Variants in FBXL13 observed in about 807,000 individuals in gnomAD.
FBXL13 encodes F-box and leucine rich repeat protein 13.
Under a neutral mutation model 83.6 loss-of-function variants are expected in FBXL13, and 67 were observed. The observed-to-expected ratio is 0.80, with a 90% CI of 0.66 to 0.98. The LOEUF (loss-of-function observed/expected upper bound fraction) is 0.98. Among genes scored for constraint, FBXL13 ranks in the 50% least tolerant of loss-of-function variants. The probability of loss-of-function intolerance (pLI) is 0.00; values close to 1 mark genes in which losing one functional copy is unlikely to be tolerated. For synonymous variants in FBXL13, 272 were observed against 299.5 expected (o/e 0.91, Z 0.95); for missense variants, 822 against 866.5 (o/e 0.95, Z 0.64).
intron 16 of FBXL13, among the ~76,000 whole-genome samples, chr7:102,859,469 C>G (rs1563005533): frequency 6.6e-6 from 1 of 151,940 alleles, no homozygotes; most frequent in Admixed American, 6.6e-5. Context: ...GGTAAATATT[C>G]TGTTTGGCAC....
chr7:102,864,926 G>C (rs1456542890), intron 16 of FBXL13, among the ~76,000 whole-genome samples: 1 of 152,154 alleles, frequency 6.6e-6, no homozygotes, highest in Non-Finnish European at 1.5e-5. Flanking sequence ...GTCTCAAAGT[G>C]CCATGGCACC....
rs546635562 is a variant in FBXL13 at position 102,964,543 on chromosome 7, T to C, written c.592-878A>G. ...TCAGCCTCCCAAGTAGCTGGAATTA[T>C]AGGCACCTGCCACCATGCCCGGCTA... On this transcript the variant is annotated intron_variant, in intron 7 of 19. Coordinates refer to ENST00000313221, the Ensembl canonical transcript of FBXL13. Among the ~76,000 whole-genome samples, 561 of 151,546 alleles carry C rather than the reference T, an allele frequency of 3.7e-3. 5 individuals are homozygous for C. Among genetic ancestry groups the C allele is most frequent in the African/African-American group, 0.013 (554 of 41,380 alleles).
intron 16 of FBXL13, among the ~76,000 whole-genome samples, chr7:102,863,413 G>A (rs17136131): frequency 0.029 from 4,435 of 151,866 alleles, 200 homozygotes; most frequent in East Asian, 0.16. Context: ...AAAGTCCCCC[G>A]ACAGTCAGTA....
intron 10 of FBXL13, among the ~76,000 whole-genome samples, chr7:102,918,051 T>A (rs1816253182): frequency 6.6e-6 from 1 of 152,226 alleles, no homozygotes; most frequent in Non-Finnish European, 1.5e-5. Flanking sequence ...TCTTGGCAAG[T>A]ACTTTTTTTG....
Position 102,997,160 on chromosome 7 carries a change from C to T in FBXL13, c.495+27903G>A, listed in dbSNP as rs569859515. 3.3e-5 allele frequency among the ~76,000 whole-genome samples: 5 copies of T among 152,264 alleles called. 1 individual carries two copies. The highest frequency in any genetic ancestry group is 1.2e-4 in the African/African-American group (5 of 41,558). The stretch of plus-strand genomic sequence containing the variant: ...AAGCTTGCCATTTATGTCTATTCAT[C>T]AATAACTGCTTAGAGATTTTACTTT... On this transcript the variant is annotated intron_variant, in intron 6 of 19. Coordinates refer to ENST00000313221, the Ensembl canonical transcript of FBXL13.
chr7:102,918,083 G>C (rs975771241), intron 10 of FBXL13, among the ~76,000 whole-genome samples: 1 of 152,150 alleles, frequency 6.6e-6, no homozygotes, highest in Non-Finnish European at 1.5e-5. Context: ...TAAAAGCAAT[G>C]AAGAGAGAAT....
At position 102,927,714 on chromosome 7, in the gene FBXL13, C is replaced by T. The variant is rs181105628; in HGVS notation, c.778-1340G>A. Among the ~76,000 whole-genome samples the T allele has an allele frequency of 2.7e-3, 416 of 152,282 alleles. 2 individuals are homozygous for T. Among genetic ancestry groups the T allele is most frequent in the Non-Finnish European group, 4.5e-3 (303 of 68,024 alleles). On this transcript the variant is annotated intron_variant, in intron 9 of 19. Transcript: ENST00000313221. The stretch of plus-strand genomic sequence containing the variant: ...AGTGCAGAGCTTTTGATAAACACTA[C>T]TCTTAACTACAGTATTCAAGCTGTC...
At chr7:102,813,077 T>C (rs1415172489), downstream of FBXL13, among the ~76,000 whole-genome samples, 1 of 152,110 alleles carries the variant, frequency 6.6e-6, no homozygotes, top group Non-Finnish European at 1.5e-5. Context: ...TCCTGACTTA[T>C]GGTCCACCCG....
chr7:103,035,903 T>C (rs1795018123), intron 2 of FBXL13, among the ~76,000 whole-genome samples: 1 of 152,180 alleles, frequency 6.6e-6, no homozygotes, highest in South Asian at 2.1e-4. Flanking sequence ...ATATCCCACA[T>C]AGTATCATTC....
At position 102,934,254 on chromosome 7, in the gene FBXL13, A is replaced by G. The variant is rs1819819763; in HGVS notation, c.725-2321T>C. 1.9e-6 allele frequency: 3 copies of G among 1,614,132 alleles called. No individual in the cohort carries two copies. The Admixed American group carries it at 5.0e-5, about 27-fold the overall frequency. ...AAGCTGAAAAGCCTGGATCTGCAGC[A>G]GAATGAGATCTCTAAAATTGAGAGT... On this transcript the variant is annotated intron_variant, in intron 8 of 19. Coordinates refer to ENST00000313221, the Ensembl canonical transcript of FBXL13.
At chr7:102,915,984 CT>C (rs1167962491) in intron 10 of FBXL13, among the ~76,000 whole-genome samples, 4,524 of 143,628 alleles carry the variant, frequency 0.031, 193 homozygotes, top group African/African-American at 0.1. Context: ...TGAGTTTCTT[CT>C]TTTTTTTTTT....
At chr7:102,902,373 T>C (rs947146544) in intron 11 of FBXL13, among the ~76,000 whole-genome samples, 4 of 152,188 alleles carry the variant, frequency 2.6e-5, no homozygotes, top group African/African-American at 9.6e-5. Context: ...TTTTCTCCCA[T>C]TCTGTGGGTT....
In FBXL13 at chr7:102,848,555, C is replaced by CAA. The variant is rs59060531; in HGVS notation, c.1719+6220_1719+6221dup. Among the ~76,000 whole-genome samples, 5 of 1,828 alleles carry CAA rather than the reference C, an allele frequency of 2.7e-3. 2 individuals carry two copies. Among genetic ancestry groups the CAA allele is most frequent in the Non-Finnish European group, 4.5e-3 (5 of 1,116 alleles). 1.2% of individuals were successfully genotyped at this position (1,828 alleles called of 152,430 possible). On this transcript the variant is annotated intron_variant, in intron 17 of 19. Coordinates refer to ENST00000313221, the Ensembl canonical transcript of FBXL13. Reference sequence around the variant, plus strand: ...TGGGCGACAGAGCGAGACTCCGTCTCAAAAAAAAAAAAAAAAAAAAAAAAA... The same window carrying CAA: ...TGGGCGACAGAGCGAGACTCCGTCTCAAAAAAAAAAAAAAAAAAAAAAAAAAA...
At chr7:102,838,240 G>A (rs1388605983) in intron 17 of FBXL13, among the ~76,000 whole-genome samples, 1 of 152,140 alleles carries the variant, frequency 6.6e-6, no homozygotes, top group Non-Finnish European at 1.5e-5. Flanking sequence ...TCAGTGGTGT[G>A]GGAATAACAC....
At chr7:102,926,961 C>T (rs966282278) in intron 9 of FBXL13, among the ~76,000 whole-genome samples, 5 of 152,104 alleles carry the variant, frequency 3.3e-5, no homozygotes, top group African/African-American at 1.2e-4. Context: ...AGGCTACATA[C>T]CAGTTGGGCA....
intron 17 of FBXL13, among the ~76,000 whole-genome samples, chr7:102,842,121 G>C (rs1340315452): frequency 6.6e-6 from 1 of 152,222 alleles, no homozygotes. Context: ...ATATGGTCAA[G>C]AGACAAAAGA....
chr7:102,879,948 C>CGCCCACCT (rs1231521580), intron 14 of FBXL13, among the ~76,000 whole-genome samples: 4 of 152,188 alleles, frequency 2.6e-5, no homozygotes, highest in African/African-American at 9.7e-5. Flanking sequence ...CCTCGTGATC[C>CGCCCACCT]GCCCACCTGG....
intron 16 of FBXL13, among the ~76,000 whole-genome samples, chr7:102,863,512 T>C (rs200463996): frequency 1.9e-5 from 2 of 105,216 alleles, no homozygotes; most frequent in Admixed American, 1.7e-4. Context: ...GGGGATAAAA[T>C]TGGGGGGGGG....
rs545342292 is a variant in FBXL13 at position 103,017,638 on chromosome 7, T to G, written c.495+7425A>C. 3.9e-5 allele frequency among the ~76,000 whole-genome samples: 6 copies of G among 152,326 alleles called. No individual in the cohort carries two copies. The South Asian group carries it at 1.2e-3, about 32-fold the overall frequency. On this transcript the variant is annotated intron_variant, in intron 6 of 19. Coordinates refer to ENST00000313221, the Ensembl canonical transcript of FBXL13. ...GTAGAGAAGTCCTTAAATGATCTGA[T>G]GGAGCTTAAAACCATGACACGAGAA...
Sources: allele counts gnomAD v4.1 joint callset (sites outside exome capture counted in the v4.1 genomes callset), GRCh38; gene constraint gnomAD v4.1.1; transcripts MANE v1.5; gene names NCBI Gene and HGNC (gene_info 2026-07-23, HGNC 2026-07-21).